The following NET1 variants were observed in gnomAD, a reference collection of about 807,000 sequenced individuals.
The protein encoded by NET1 is neuroepithelial cell transforming 1, also known as neuroepithelial cell-transforming gene 1 protein.
NET1 carries 42 observed loss-of-function variants against 61.1 expected under a neutral mutation model. The ratio of observed to expected loss-of-function variants is 0.69; its 90% CI spans 0.54 to 0.89. NET1 has a LOEUF of 0.89. NET1 is among the 40% of genes least tolerant of loss of function. The probability of loss-of-function intolerance (pLI) is 0.00; values close to 1 mark genes in which losing one functional copy is unlikely to be tolerated. For synonymous variants in NET1, 254 were observed against 281.8 expected (o/e 0.90, Z 0.99); for missense variants, 654 against 747.3 (o/e 0.88, Z 1.46).
chr10:5,447,319 C>T lies in NET1; in HGVS notation c.256-4511C>T, dbSNP rs939915373. On this transcript the variant is annotated intron_variant, in intron 3 of 11. Transcript: ENST00000355029. The surrounding 1 kb of genome is among the most constrained non-coding windows in gnomAD (Gnocchi z 4.1). ...CATCTGATGAGTTCATTGTATGCCA[C>T]TTTTTTCTTCAGAAGGAAAGAGGCA... Among the ~76,000 whole-genome samples, 1 of 152,148 alleles carries T rather than the reference C, an allele frequency of 6.6e-6. No homozygotes were observed. Among genetic ancestry groups the T allele is most frequent in the African/African-American group, 2.4e-5 (1 of 41,410 alleles).
Position 5,449,763 on chromosome 10 carries a change from C to T in NET1, c.256-2067C>T, listed in dbSNP as rs1832675600. Among the ~76,000 whole-genome samples, 1 of 152,134 alleles carries T rather than the reference C, an allele frequency of 6.6e-6. No homozygotes were observed. The highest frequency in any genetic ancestry group is 2.1e-4 in the South Asian group (1 of 4,828). On this transcript the variant is annotated intron_variant, in intron 3 of 11. Coordinates refer to ENST00000355029, the MANE Select transcript of NET1 (RefSeq NM_001047160.3). The surrounding 1 kb of genome is among the most constrained non-coding windows in gnomAD (Gnocchi z 4.4). ...TAAAATAGATATCAAAAATTTATTT[C>T]CTGCTAACAAAATTTTCCTTTCATA...
rs755945070 is a variant in NET1 at position 5,452,341 on chromosome 10, AC to A, written c.364-15del. ...CCAAATCTTATTTTCTCTTTTGTTC[AC>A]CTTTTCTTTTTTAAGTCATTTACCC... On this transcript the variant is annotated splice_polypyrimidine_tract_variant and intron_variant, in intron 4 of 11. Coordinates refer to ENST00000355029, the MANE Select transcript of NET1 (RefSeq NM_001047160.3). The surrounding 1 kb of genome is among the most constrained non-coding windows in gnomAD (Gnocchi z 4.0). 5 of 1,539,880 alleles carry A rather than the reference AC, an allele frequency of 3.2e-6. No homozygotes were observed. Among genetic ancestry groups the A allele is most frequent in the Non-Finnish European group, 4.4e-6 (5 of 1,139,166 alleles).
chr10:5,450,331 G>A (rs1057155449), intron 3 of NET1, among the ~76,000 whole-genome samples: 1 of 152,020 alleles, frequency 6.6e-6, no homozygotes, highest in Non-Finnish European at 1.5e-5. Context: ...ACATTTAGGA[G>A]CTTTAATGAG....
chr10:5,453,467 CT>C lies in NET1; in HGVS notation c.692-11del. 1 of 1,613,478 alleles carries C rather than the reference CT, an allele frequency of 6.2e-7. No homozygotes were observed. The highest frequency in any genetic ancestry group is 8.5e-7 in the Non-Finnish European group (1 of 1,179,428). On this transcript the variant is annotated splice_polypyrimidine_tract_variant and intron_variant, in intron 7 of 11. Coordinates refer to ENST00000355029, the MANE Select transcript of NET1 (RefSeq NM_001047160.3). This position sits in a 1 kb window ranked among gnomAD's most constrained non-coding sequence, Gnocchi z 4.9. The stretch of plus-strand genomic sequence containing the variant: ...AATAAACCTGTTAATGGTGTTTATG[CT>C]TTTTTATCACTTCAGATTTGTTGAC...
Position 5,435,542 on chromosome 10 carries a change from C to CAGATAGATAGAT in NET1, c.255+6323_255+6334dup, listed in dbSNP as rs1196984049. On this transcript the variant is annotated intron_variant, in intron 3 of 11. Coordinates refer to ENST00000355029, the MANE Select transcript of NET1 (RefSeq NM_001047160.3). The surrounding 1 kb of genome is among the most constrained non-coding windows in gnomAD (Gnocchi z 5.0). ...ATAGATAGATAGATAGACAGACAGA[C>CAGATAGATAGAT]AGATAGATAGATAGATAGATAAAAT... Among the ~76,000 whole-genome samples the CAGATAGATAGAT allele has an allele frequency of 4.7e-4, 65 of 139,158 alleles. No homozygotes were observed. The highest frequency in any genetic ancestry group is 1.5e-3 in the African/African-American group (59 of 38,590). The allele number at this position is 139,158 out of a possible 152,430, so 91.3% of individuals were successfully genotyped here. A position where few individuals can be genotyped will look rare whatever the true frequency, so the allele number is the denominator to read the frequency against.
chr10:5,441,247 G>A lies in NET1; in HGVS notation c.256-10583G>A, dbSNP rs553156787. The stretch of plus-strand genomic sequence containing the variant: ...CGGGTGTCCATCCCACACACCCGTG[G>A]CTACACATGTGCATGTGCCACACAG... On this transcript the variant is annotated intron_variant, in intron 3 of 11. Transcript: ENST00000355029. The surrounding 1 kb of genome is among the most constrained non-coding windows in gnomAD (Gnocchi z 4.6). 2.6e-5 allele frequency among the ~76,000 whole-genome samples: 4 copies of A among 152,224 alleles called. No homozygotes were observed. Among genetic ancestry groups the A allele is most frequent in the Non-Finnish European group, 5.9e-5 (4 of 68,042 alleles).
At position 5,415,545 on chromosome 10, in the gene NET1, T is replaced by C. The variant is rs1832068586; in HGVS notation, c.128+2725T>C. On this transcript the variant is annotated intron_variant, in intron 1 of 11. Coordinates refer to ENST00000355029, the MANE Select transcript of NET1 (RefSeq NM_001047160.3). This position sits in a 1 kb window ranked among gnomAD's most constrained non-coding sequence, Gnocchi z 4.7. Reference sequence around the variant, plus strand: ...ACCTCCGCCTCCCGGGTTCAAGTGATTCTCCTGCCTCAGCCTACCAAGTAG... The same window carrying C: ...ACCTCCGCCTCCCGGGTTCAAGTGACTCTCCTGCCTCAGCCTACCAAGTAG... 6.6e-6 allele frequency among the ~76,000 whole-genome samples: 1 copy of C among 152,102 alleles called. No individual in the cohort carries two copies. The highest frequency in any genetic ancestry group is 1.5e-5 in the Non-Finnish European group (1 of 68,012).
intron 1 of NET1, among the ~76,000 whole-genome samples, chr10:5,418,769 A>T (rs1218324070): frequency 1.3e-5 from 2 of 152,146 alleles, no homozygotes. Context: ...AGATTAAGTT[A>T]CTGATTTGAG....
rs1264420422 is a variant in NET1 at position 5,451,898 on chromosome 10, A to G, written c.324A>G (p.Val108=). ...CCTTGGCAAATTTAATCTCTCCTGTAAGAAATGGAGCTGTCAGACGTTTTG... is the reference window on the plus strand; with the variant it reads ...CCTTGGCAAATTTAATCTCTCCTGTGAGAAATGGAGCTGTCAGACGTTTTG... ...VTSLANLISP[V]RNGAVRRFGQ... Residue 108 remains valine, a synonymous_variant, in exon 4 of 12, where the codon GTA becomes GTG. Transcript: ENST00000355029. The surrounding 1 kb of genome is among the most constrained non-coding windows in gnomAD (Gnocchi z 6.1). 1.2e-6 allele frequency: 2 copies of G among 1,613,994 alleles called. No individual in the cohort carries two copies. The highest frequency in any genetic ancestry group is 8.5e-7 in the Non-Finnish European group (1 of 1,179,938).
rs958057914 is a variant in NET1, at chr10:5,440,694, G to A, written c.256-11136G>A. On this transcript the variant is annotated intron_variant, in intron 3 of 11. Coordinates refer to ENST00000355029, the MANE Select transcript of NET1 (RefSeq NM_001047160.3). The surrounding 1 kb of genome is among the most constrained non-coding windows in gnomAD (Gnocchi z 4.1). Reference sequence around the variant, plus strand: ...GTGCTGAGAACATTATGAAAGTTCTGTCAGCTGCTTTTTCAAATCTTTTAA... The same window carrying A: ...GTGCTGAGAACATTATGAAAGTTCTATCAGCTGCTTTTTCAAATCTTTTAA... Among the ~76,000 whole-genome samples, 4 of 152,174 alleles carry A rather than the reference G, an allele frequency of 2.6e-5. No homozygotes were observed. The highest frequency in any genetic ancestry group is 9.7e-5 in the African/African-American group (4 of 41,430).
chr10:5,455,171 C>T lies in NET1; in HGVS notation c.1197+53C>T. 3.9e-6 allele frequency: 6 copies of T among 1,554,634 alleles called. No individual in the cohort carries two copies. Among genetic ancestry groups the T allele is most frequent in the Non-Finnish European group, 5.3e-6 (6 of 1,129,710 alleles). ...GCAGCCTTCCCTCCTGCCTCTTTAA[C>T]TTTTACACGTTTGTTATGAAGCAGG... On this transcript the variant is annotated intron_variant, in intron 10 of 11. Transcript: ENST00000355029. The surrounding 1 kb of genome is among the most constrained non-coding windows in gnomAD (Gnocchi z 6.5).
In NET1 at chr10:5,452,953, T is replaced by C; in HGVS notation, c.594+33T>C. ...AATAACTTTTTATCAGATGCCCTAGTTTTTAAAAATTACATTTCACAAAAT... is the reference window on the plus strand; with the variant it reads ...AATAACTTTTTATCAGATGCCCTAGCTTTTAAAAATTACATTTCACAAAAT... On this transcript the variant is annotated intron_variant, in intron 6 of 11. Coordinates refer to ENST00000355029, the MANE Select transcript of NET1 (RefSeq NM_001047160.3). This position sits in a 1 kb window ranked among gnomAD's most constrained non-coding sequence, Gnocchi z 4.0. The C allele has an allele frequency of 7.3e-7, 1 of 1,360,846 alleles. No individual in the cohort carries two copies. Among genetic ancestry groups the C allele is most frequent in the Non-Finnish European group, 1.0e-6 (1 of 954,628 alleles). The allele number at this position is 1,360,846 out of a possible 1,614,324, so 84.3% of individuals were successfully genotyped here.
intron 1 of NET1, among the ~76,000 whole-genome samples, chr10:5,413,857 A>G (rs1832040549): frequency 6.6e-6 from 1 of 152,220 alleles, no homozygotes; most frequent in Non-Finnish European, 1.5e-5. Flanking sequence ...TCTTGTTACT[A>G]TTTAAGATTT....
In NET1 at chr10:5,417,716, A is replaced by C. The variant is rs1832105506; in HGVS notation, c.128+4896A>C. 1.3e-5 allele frequency among the ~76,000 whole-genome samples: 2 copies of C among 152,280 alleles called. No homozygotes were observed. Among genetic ancestry groups the C allele is most frequent in the South Asian group, 4.1e-4 (2 of 4,820 alleles). On this transcript the variant is annotated intron_variant, in intron 1 of 11. Coordinates refer to ENST00000355029, the MANE Select transcript of NET1 (RefSeq NM_001047160.3). This position sits in a 1 kb window ranked among gnomAD's most constrained non-coding sequence, Gnocchi z 5.5. ...TAGGGCCTCCTGTACAACGCTGAAC[A>C]GAAGTGGAGAGACGGGAAATTCTTG...
In NET1 at chr10:5,424,537, G is replaced by A. The variant is rs1241732425; in HGVS notation, c.129-2118G>A. On this transcript the variant is annotated intron_variant, in intron 1 of 11. Transcript: ENST00000355029. This position sits in a 1 kb window ranked among gnomAD's most constrained non-coding sequence, Gnocchi z 6.1. ...TCAAGAAAAAAATACCATTTTCTTT[G>A]TTGATGCTTGACTTTTCTGCAGTAG... is the stretch of plus-strand genomic sequence containing the variant. Among the ~76,000 whole-genome samples the A allele has an allele frequency of 6.6e-6, 1 of 151,926 alleles. No individual in the cohort carries two copies.
rs1832093672 is a variant in NET1 at position 5,417,053 on chromosome 10, G to C, written c.128+4233G>C. On this transcript the variant is annotated intron_variant, in intron 1 of 11. Transcript: ENST00000355029. This position sits in a 1 kb window ranked among gnomAD's most constrained non-coding sequence, Gnocchi z 5.5. ...AGAGTGGAAGTAGCTCTCAGCAGATGGGGGAGCCAGAAGGGAAATGGTTTT... is the reference window on the plus strand; with the variant it reads ...AGAGTGGAAGTAGCTCTCAGCAGATCGGGGAGCCAGAAGGGAAATGGTTTT... Among the ~76,000 whole-genome samples, 1 of 152,206 alleles carries C rather than the reference G, an allele frequency of 6.6e-6. No individual in the cohort carries two copies. Among genetic ancestry groups the C allele is most frequent in the Non-Finnish European group, 1.5e-5 (1 of 68,030 alleles).
chr10:5,429,333 T>C, intron 3 of NET1, 104 bp downstream of exon 3: 1 of 855,210 alleles, frequency 1.2e-6, no homozygotes, highest in Non-Finnish European at 1.8e-6. Context: ...TTTTTTTGTT[T>C]TTTTGTTTTT....
intron 3 of NET1, among the ~76,000 whole-genome samples, chr10:5,450,443 T>G (rs1832686373): frequency 6.6e-6 from 1 of 152,026 alleles, no homozygotes; most frequent in Non-Finnish European, 1.5e-5. Flanking sequence ...AAAAAAATTT[T>G]TTTTTACCCA....
rs1832716916 is a variant in NET1, at chr10:5,452,270, T to C, written c.364-88T>C. 1.7e-6 allele frequency: 2 copies of C among 1,210,726 alleles called. No homozygotes were observed. The highest frequency in any genetic ancestry group is 3.1e-5 in the Admixed American group (1 of 31,784). The allele number at this position is 1,210,726 out of a possible 1,614,324, so 75.0% of individuals were successfully genotyped here. ...ATTGAGAAATTCTCAGAACTTTGTC[T>C]TTCTTCACTTTAAAAAAAAAGAAAA... is the stretch of plus-strand genomic sequence containing the variant. On this transcript the variant is annotated intron_variant, in intron 4 of 11. Transcript: ENST00000355029. The surrounding 1 kb of genome is among the most constrained non-coding windows in gnomAD (Gnocchi z 4.0).
Sources: gnomAD v4.1 joint callset for allele counts (sites outside exome capture counted in the v4.1 genomes callset) on GRCh38, gnomAD v4.1.1 for gene constraint, Gnocchi (gnomAD v3.1) non-coding constraint, MANE v1.5 for transcripts, NCBI Gene and HGNC (gene_info 2026-07-23, HGNC 2026-07-21) for gene names.